The following ST3GAL2 variants were observed in gnomAD, a reference collection of about 807,000 sequenced individuals.
The protein encoded by ST3GAL2 is ST3 beta-galactoside alpha-2,3-sialyltransferase 2, also known as CMP-N-acetylneuraminate-beta-galactosamide-alpha-2,3-sialyltransferase 2.
ST3GAL2 carries 16 observed loss-of-function variants against 37.5 expected under a neutral mutation model. The observed-to-expected ratio is 0.43, with a 90% CI of 0.29 to 0.65. The LOEUF (loss-of-function observed/expected upper bound fraction) is 0.65, where lower values mean the gene tolerates loss of function less well. Among genes scored for constraint, ST3GAL2 ranks in the 30% least tolerant of loss-of-function variants. The pLI is 0.17. For missense variants in ST3GAL2, 383 were observed against 487.8 expected, an observed-to-expected ratio of 0.79 and a Z score of 2.02; for synonymous variants, 238 against 202.9, an observed-to-expected ratio of 1.17 and a Z score of -1.47.
intron 1 of ST3GAL2, among the ~76,000 whole-genome samples, chr16:70,429,909 A>AGAGAG (rs1375065959): frequency 6.6e-6 from 1 of 152,044 alleles, no homozygotes; most frequent in Non-Finnish European, 1.5e-5. Flanking sequence ...TCCCAGGCTT[A>AGAGAG]GAGAGGGGTA....
At chr16:70,419,164 C>T (rs1250991339) in intron 1 of ST3GAL2, among the ~76,000 whole-genome samples, 1 of 152,338 alleles carries the variant, frequency 6.6e-6, no homozygotes, top group East Asian at 1.9e-4. Context: ...AGGCTCAGGC[C>T]TGCTAGACCC....
intron 1 of ST3GAL2, among the ~76,000 whole-genome samples, chr16:70,413,979 T>C (rs1486688628): frequency 6.6e-6 from 1 of 152,198 alleles, no homozygotes; most frequent in Non-Finnish European, 1.5e-5. Flanking sequence ...CTTGTGTTCT[T>C]GTCTATTTCT....
chr16:70,382,725 T>G, intron 6 of ST3GAL2, 80 bp downstream of exon 6: 1 of 1,591,310 alleles, frequency 6.3e-7, no homozygotes, highest in Non-Finnish European at 8.6e-7. Context: ...CACATTCCTC[T>G]GTTAGCCTGC....
At chr16:70,412,338 A>C (rs2151670420) in intron 1 of ST3GAL2, among the ~76,000 whole-genome samples, 1 of 152,304 alleles carries the variant, frequency 6.6e-6, no homozygotes, top group East Asian at 1.9e-4. Flanking sequence ...TCTTACCTCC[A>C]GTAGTTTTTA....
At chr16:70,425,643 C>G (rs1420361552) in intron 1 of ST3GAL2, among the ~76,000 whole-genome samples, 1 of 151,872 alleles carries the variant, frequency 6.6e-6, no homozygotes, top group Non-Finnish European at 1.5e-5. Context: ...CGCTTGAACC[C>G]GAGAGGTGGA....
chr16:70,418,895 C>A (rs1160062978), intron 1 of ST3GAL2, among the ~76,000 whole-genome samples: 1 of 152,150 alleles, frequency 6.6e-6, no homozygotes, highest in Non-Finnish European at 1.5e-5. Context: ...GCAACAGAGC[C>A]CCCCACACCA....
intron 1 of ST3GAL2, among the ~76,000 whole-genome samples, chr16:70,412,462 G>A (rs936795554): frequency 5.3e-5 from 8 of 151,926 alleles, no homozygotes; most frequent in Admixed American, 6.6e-5. Context: ...TGGGCAACAC[G>A]ACAACACCCT....
intron 1 of ST3GAL2, among the ~76,000 whole-genome samples, chr16:70,421,193 C>A (rs760540071): frequency 1.3e-5 from 2 of 152,256 alleles, no homozygotes; most frequent in African/African-American, 4.8e-5. Flanking sequence ...CAGTCTTCCT[C>A]TTTCCTGAGG....
intron 1 of ST3GAL2, among the ~76,000 whole-genome samples, chr16:70,405,540 T>TAAAAA (rs58998342): frequency 1.3e-4 from 13 of 101,474 alleles, no homozygotes; most frequent in Non-Finnish European, 2.3e-4. Flanking sequence ...GACTCCGTCT[T>TAAAAA]AAAAAAAAAA....
At chr16:70,430,350 G>A (rs1251579800) in intron 1 of ST3GAL2, among the ~76,000 whole-genome samples, 1 of 152,228 alleles carries the variant, frequency 6.6e-6, no homozygotes, top group Non-Finnish European at 1.5e-5. Context: ...ACTCATTCTA[G>A]AAGCCTACCC....
At chr16:70,394,185 G>A (rs539392575) in intron 3 of ST3GAL2, among the ~76,000 whole-genome samples, 1 of 152,294 alleles carries the variant, frequency 6.6e-6, no homozygotes, top group Admixed American at 6.5e-5. Flanking sequence ...TCACGGCTGG[G>A]CATAGAGGTC....
chr16:70,395,172 G>A lies in ST3GAL2; in HGVS notation c.343C>T (p.Leu115=), dbSNP rs1180514448. 8 of 1,597,946 alleles carry A rather than the reference G, an allele frequency of 5.0e-6. No individual in the cohort carries two copies. The highest frequency in any genetic ancestry group is 6.8e-6 in the Non-Finnish European group (8 of 1,171,132). Residue 115 remains leucine, a synonymous_variant, in exon 3 of 7, where the codon CTG becomes TTG. Transcript: ENST00000342907. ...PPDVQRWWMM[L]QPQFKSHNTN... ...TTGTGTGACTTGAACTGGGGCTGCA[G>A]CATCTGTGGAAGGGAGGGGAAGATG... is the stretch of plus-strand genomic sequence containing the variant.
intron 1 of ST3GAL2, among the ~76,000 whole-genome samples, chr16:70,432,812 G>A (rs1162229750): frequency 1.3e-5 from 2 of 152,218 alleles, no homozygotes; most frequent in Non-Finnish European, 2.9e-5. Flanking sequence ...TCAGGTGTGT[G>A]GGACGGAAGC....
At chr16:70,390,134 G>A (rs1323340902) in intron 3 of ST3GAL2, among the ~76,000 whole-genome samples, 1 of 151,740 alleles carries the variant, frequency 6.6e-6, no homozygotes, top group East Asian at 1.9e-4. Flanking sequence ...GAGTGCAGTG[G>A]CACCATCATG....
intron 4 of ST3GAL2, among the ~76,000 whole-genome samples, chr16:70,385,797 G>A (rs973684684): frequency 2.8e-5 from 4 of 143,278 alleles, no homozygotes; most frequent in Non-Finnish European, 4.5e-5. Flanking sequence ...TCTGCCTCCC[G>A]GGTTCAAGTG....
intron 1 of ST3GAL2, among the ~76,000 whole-genome samples, chr16:70,411,110 C>T (rs909671880): frequency 8.5e-5 from 13 of 152,080 alleles, no homozygotes; most frequent in African/African-American, 2.9e-4. Flanking sequence ...AGCAGCCGGG[C>T]GCAGTGGCTC....
intron 1 of ST3GAL2, among the ~76,000 whole-genome samples, chr16:70,410,030 G>A (rs1451530988): frequency 1.3e-5 from 2 of 151,542 alleles, no homozygotes; most frequent in South Asian, 4.1e-4. Flanking sequence ...GCCTCCCAAA[G>A]AGCTGAGATT....
intron 1 of ST3GAL2, among the ~76,000 whole-genome samples, chr16:70,437,814 G>A (rs575782534): frequency 2.0e-5 from 3 of 152,272 alleles, no homozygotes; most frequent in African/African-American, 7.2e-5. Flanking sequence ...CCTGAGAAGG[G>A]CTTCAGAGCC....
At chr16:70,434,573 C>T (rs1275662918) in intron 1 of ST3GAL2, among the ~76,000 whole-genome samples, 1 of 152,204 alleles carries the variant, frequency 6.6e-6, no homozygotes, top group African/African-American at 2.4e-5. Context: ...AACCCCAGAT[C>T]CTCCTGCTGT....
Sources: allele counts gnomAD v4.1 joint callset (sites outside exome capture counted in the v4.1 genomes callset), GRCh38; gene constraint gnomAD v4.1.1; transcripts MANE v1.5; gene names NCBI Gene and HGNC (gene_info 2026-07-23, HGNC 2026-07-21).